Variants in MGRN1 observed in about 807,000 individuals in gnomAD.
MGRN1 encodes mahogunin ring finger 1.
In MGRN1, 29 loss-of-function variants were observed where a neutral mutation model predicts 69.2. That is an observed-to-expected ratio of 0.42 (90% CI 0.31 to 0.57). The LOEUF is 0.57. Ranked by LOEUF, MGRN1 falls within the 20% of genes least tolerant of loss-of-function variation. The pLI, the probability that MGRN1 is intolerant of heterozygous loss-of-function variation, is 0.15. For missense variants in MGRN1, 998 were observed against 796.2 expected (o/e 1.25, Z -3.05); for synonymous variants, 470 against 344.2 (o/e 1.37, Z -4.04).
chr16:4,670,480 T>A lies in MGRN1; in HGVS notation c.727-911T>A, dbSNP rs868609437. ...CTGGTCTCAAACTTTTGGGCTCAAG[T>A]GATCCACCAGCCTCGGCCTCCTACT... On this transcript the variant is annotated intron_variant, in intron 8 of 16. Transcript: ENST00000262370. Among the ~76,000 whole-genome samples the A allele has an allele frequency of 3.3e-5, 5 of 152,344 alleles. No homozygotes were observed. In the South Asian group the frequency reaches 6.2e-4, roughly 19 times the overall value.
chr16:4,629,150 ATGTGTGTGTGTGTG>A (rs377682804), intron 1 of MGRN1, among the ~76,000 whole-genome samples: 6 of 127,600 alleles, frequency 4.7e-5, no homozygotes, highest in Non-Finnish European at 6.7e-5. Context: ...TTCTGTTCGT[ATGTGTGTGTGTGTG>A]TGTGTGTGTG....
intron 1 of MGRN1, among the ~76,000 whole-genome samples, chr16:4,638,954 C>A (rs2078095910): frequency 6.6e-6 from 1 of 152,140 alleles, no homozygotes; most frequent in Non-Finnish European, 1.5e-5. Flanking sequence ...TCATTCACAT[C>A]CTGGCTTACT....
intron 1 of MGRN1, among the ~76,000 whole-genome samples, chr16:4,628,653 T>C (rs924565165): frequency 2.0e-5 from 3 of 152,090 alleles, no homozygotes; most frequent in African/African-American, 7.2e-5. Flanking sequence ...CAAGCAATTC[T>C]CCTGTTTCAG....
rs1428846220 is a variant in MGRN1, at chr16:4,683,264, A to T, written c.1523A>T (p.Gln508Leu). The T allele has an allele frequency of 6.2e-7, 1 of 1,613,814 alleles. No individual in the cohort carries two copies. The highest frequency in any genetic ancestry group is 1.7e-5 in the Admixed American group (1 of 60,020). ...TEEVDESSSP[Q>L]QGTRAASIEN... Reference sequence around the variant, plus strand: ...GAGGTTGATGAGTCGTCGTCACCACAGCAAGGTGAGCGCCTCCTTCCATGG... The same window carrying T: ...GAGGTTGATGAGTCGTCGTCACCACTGCAAGGTGAGCGCCTCCTTCCATGG... Residue 508 changes from glutamine to leucine, a missense_variant, in exon 15 of 17, where the codon CAG (glutamine) becomes CTG (leucine). Physicochemically the swap from Gln to Leu is moderately radical, Grantham distance 113 (BLOSUM62 -2). Transcript: ENST00000262370.
chr16:4,636,451 C>A (rs1042590055), intron 1 of MGRN1, among the ~76,000 whole-genome samples: 7 of 152,020 alleles, frequency 4.6e-5, no homozygotes, highest in Admixed American at 2.0e-4. Context: ...TGGACGGGCT[C>A]CGGGGGAGCT....
intron 1 of MGRN1, among the ~76,000 whole-genome samples, chr16:4,645,186 G>C (rs1013447558): frequency 7.2e-6 from 1 of 139,112 alleles, no homozygotes; most frequent in Non-Finnish European, 1.5e-5. Context: ...AGAGAGACAG[G>C]GTCTTGCTCT....
At chr16:4,661,946 G>A (rs937583468) in intron 5 of MGRN1, among the ~76,000 whole-genome samples, 10 of 152,368 alleles carry the variant, frequency 6.6e-5, no homozygotes, top group Admixed American at 1.3e-4. Context: ...TGCGGTAGCC[G>A]TGTGCCAGGT....
intron 1 of MGRN1, among the ~76,000 whole-genome samples, chr16:4,648,880 C>T (rs1368355952): frequency 6.9e-6 from 1 of 144,934 alleles, no homozygotes; most frequent in African/African-American, 2.6e-5. Flanking sequence ...CTCTCGGGGA[C>T]TCTTCCCGTG....
rs115117266 is a variant in MGRN1 at position 4,668,436 on chromosome 16, C to T, written c.726+124C>T. ...GCACATATACTCATACACGCTCATA[C>T]ACACTCATACACATTCACTTGCACA... On this transcript the variant is annotated intron_variant, in intron 8 of 16. Transcript: ENST00000262370. 718 of 918,646 alleles carry T rather than the reference C, an allele frequency of 7.8e-4. 3 individuals carry two copies. In the African/African-American group the frequency reaches 0.012, roughly 15 times the overall value. 56.9% of individuals were successfully genotyped at this position (918,646 alleles called of 1,614,324 possible).
intron 11 of MGRN1, among the ~76,000 whole-genome samples, chr16:4,678,972 C>A (rs1393881538): frequency 6.6e-6 from 1 of 152,200 alleles, no homozygotes; most frequent in Non-Finnish European, 1.5e-5. Flanking sequence ...CCCTTAAAAC[C>A]CAGATTTTGG....
At chr16:4,645,369 A>G (rs1013414927) in intron 1 of MGRN1, among the ~76,000 whole-genome samples, 1 of 151,884 alleles carries the variant, frequency 6.6e-6, no homozygotes, top group Non-Finnish European at 1.5e-5. Flanking sequence ...GCGTCTCCCT[A>G]TGTTGCCCAG....
intron 8 of MGRN1, among the ~76,000 whole-genome samples, chr16:4,670,105 C>T (rs981968272): frequency 6.6e-6 from 1 of 152,048 alleles, no homozygotes; most frequent in Non-Finnish European, 1.5e-5. Flanking sequence ...CGCTCTGTTG[C>T]CCAGGCTGGA....
At chr16:4,665,173 C>G in intron 7 of MGRN1, 22 bp downstream of exon 7, 1 of 1,614,048 alleles carries the variant, frequency 6.2e-7, no homozygotes, top group Non-Finnish European at 8.5e-7. Flanking sequence ...CTGGCCATCA[C>G]TTTCCCGGGG....
At chr16:4,656,834 C>G (rs2078551225) in intron 4 of MGRN1, among the ~76,000 whole-genome samples, 1 of 151,980 alleles carries the variant, frequency 6.6e-6, no homozygotes, top group African/African-American at 2.4e-5. Context: ...GAGCTGAGAT[C>G]ACAACACTGC....
chr16:4,647,692 C>T (rs758398263), intron 1 of MGRN1, among the ~76,000 whole-genome samples: 41 of 152,294 alleles, frequency 2.7e-4, no homozygotes, highest in Admixed American at 1.9e-3. Flanking sequence ...CGCTCCACAT[C>T]GGTATGTCTG....
At chr16:4,646,113 G>C (rs909825445) in intron 1 of MGRN1, among the ~76,000 whole-genome samples, 13 of 152,160 alleles carry the variant, frequency 8.5e-5, no homozygotes, top group Admixed American at 8.5e-4. Context: ...CCGTCGGGGG[G>C]CTCTGGCTCA....
intron 1 of MGRN1, chr16:4,649,761 T>G (rs187986027): frequency 6.5e-6 from 1 of 153,362 alleles, no homozygotes; most frequent in Non-Finnish European, 1.5e-5. Context: ...GAAAGTGGTG[T>G]TGGAGCTGGA....
At chr16:4,668,593 TAC>T (rs754673847) in intron 8 of MGRN1, among the ~76,000 whole-genome samples, 4 of 150,288 alleles carry the variant, frequency 2.7e-5, no homozygotes, top group Non-Finnish European at 4.4e-5. Context: ...ACGACACTCA[TAC>T]ACACATACAC....
intron 16 of MGRN1, among the ~76,000 whole-genome samples, chr16:4,685,086 G>A (rs923759714): frequency 3.3e-5 from 5 of 152,224 alleles, no homozygotes; most frequent in Non-Finnish European, 5.9e-5. Context: ...TGACCACAGC[G>A]GCCTGCCCCG....
Sources: allele counts gnomAD v4.1 joint callset (sites outside exome capture counted in the v4.1 genomes callset), GRCh38; gene constraint gnomAD v4.1.1; transcripts MANE v1.5; gene names NCBI Gene and HGNC (gene_info 2026-07-23, HGNC 2026-07-21).